The following RTN4RL1 variants were observed in gnomAD, a reference collection of about 807,000 sequenced individuals.
RTN4RL1 encodes reticulon 4 receptor like 1.
A neutral mutation model predicts 25.6 loss-of-function variants in RTN4RL1; 7 were observed. That is an observed-to-expected ratio of 0.27 (90% confidence interval 0.16 to 0.51). The LOEUF is 0.51. Ranked by LOEUF, RTN4RL1 falls within the 20% of genes least tolerant of loss-of-function variation. RTN4RL1 has a pLI of 0.97. For missense variants in RTN4RL1, 500 were observed against 615.6 expected, an observed-to-expected ratio of 0.81 and a Z score of 1.99; for synonymous variants, 297 against 288.2, an observed-to-expected ratio of 1.03 and a Z score of -0.31.
intron 1 of RTN4RL1, among the ~76,000 whole-genome samples, chr17:1,999,380 A>C (rs1277408333): frequency 6.6e-6 from 1 of 151,598 alleles, no homozygotes; most frequent in Non-Finnish European, 1.5e-5. Context: ...CGGGAGGAGG[A>C]GATTGCAGTG....
rs149857389 is a variant in RTN4RL1 at position 1,939,785 on chromosome 17, G to A, written c.14-1977C>T. Among the ~76,000 whole-genome samples, 172 of 152,296 alleles carry A rather than the reference G, an allele frequency of 1.1e-3. 3 individuals are homozygous for A. The highest frequency in any genetic ancestry group is 3.9e-3 in the South Asian group (19 of 4,830). ...TTCCAGGGTCCCAGCTGCCCCAGGC[G>A]GCCAGGCAGGCGCGCCGAGGTTGGG... On this transcript the variant is annotated intron_variant, in intron 1 of 1. Transcript: ENST00000331238.
At chr17:2,001,112 C>T (rs568518034) in intron 1 of RTN4RL1, among the ~76,000 whole-genome samples, 1 of 148,838 alleles carries the variant, frequency 6.7e-6, no homozygotes, top group Non-Finnish European at 1.5e-5. Flanking sequence ...GCATTGAACT[C>T]CTGGGTTCAA....
chr17:2,010,854 T>C (rs1051322320), intron 1 of RTN4RL1, among the ~76,000 whole-genome samples: 2 of 152,236 alleles, frequency 1.3e-5, no homozygotes, highest in Non-Finnish European at 2.9e-5. Flanking sequence ...CCCTAAGTGT[T>C]GGGATCACAG....
chr17:1,941,341 G>A (rs556982035), intron 1 of RTN4RL1, among the ~76,000 whole-genome samples: 373 of 152,320 alleles, frequency 2.4e-3, no homozygotes, highest in Middle Eastern at 6.8e-3. Flanking sequence ...GGCTTGGTAC[G>A]TGGCTCGTGG....
At chr17:2,004,400 C>T (rs1163446014) in intron 1 of RTN4RL1, among the ~76,000 whole-genome samples, 1 of 124,902 alleles carries the variant, frequency 8.0e-6, no homozygotes. Context: ...AAGCAAAAAA[C>T]AAAACAAAGA....
At chr17:2,002,699 G>A (rs1447671072) in intron 1 of RTN4RL1, among the ~76,000 whole-genome samples, 4 of 151,176 alleles carry the variant, frequency 2.6e-5, no homozygotes, top group Non-Finnish European at 4.4e-5. Context: ...CCCCACGCCC[G>A]TCTCTCTCTG....
At chr17:1,958,810 G>C (rs1324717477) in intron 1 of RTN4RL1, among the ~76,000 whole-genome samples, 4 of 152,236 alleles carry the variant, frequency 2.6e-5, no homozygotes, top group Admixed American at 2.0e-4. Context: ...CTGAAATCTT[G>C]CCTTTTCCCC....
intron 1 of RTN4RL1, among the ~76,000 whole-genome samples, chr17:1,961,818 T>C (rs532963981): frequency 6.6e-5 from 5 of 75,926 alleles, no homozygotes; most frequent in Non-Finnish European, 1.8e-4. Context: ...CGTGGTGGCA[T>C]GTGCCTGTAA....
intron 1 of RTN4RL1, among the ~76,000 whole-genome samples, chr17:2,024,347 C>G (rs571118294): frequency 6.6e-6 from 1 of 152,300 alleles, no homozygotes; most frequent in South Asian, 2.1e-4. Flanking sequence ...GCGATCAGAG[C>G]AGAACTGCAG....
chr17:1,950,714 G>T (rs1336985782), intron 1 of RTN4RL1, among the ~76,000 whole-genome samples: 1 of 151,712 alleles, frequency 6.6e-6, no homozygotes, highest in Non-Finnish European at 1.5e-5. Context: ...GGGTGTGGTG[G>T]CGCGCACCTG....
chr17:1,941,193 T>C (rs559674161), intron 1 of RTN4RL1, among the ~76,000 whole-genome samples: 23 of 152,268 alleles, frequency 1.5e-4, no homozygotes, highest in African/African-American at 5.3e-4. Flanking sequence ...CCGGAGAAGC[T>C]AATAGCGGGT....
chr17:1,952,402 T>C (rs930052760), intron 1 of RTN4RL1, among the ~76,000 whole-genome samples: 17 of 148,288 alleles, frequency 1.1e-4, no homozygotes, highest in African/African-American at 4.0e-4. Context: ...AGTAGTGCGA[T>C]CTCGGCTCAT....
intron 1 of RTN4RL1, among the ~76,000 whole-genome samples, chr17:1,992,884 T>G (rs1172186767): frequency 6.6e-6 from 1 of 152,180 alleles, no homozygotes; most frequent in Admixed American, 6.6e-5. Context: ...GACACATGAC[T>G]CTCTTATGAC....
At chr17:2,003,481 AGCG>A in intron 1 of RTN4RL1, 1 of 152,434 alleles carries the variant, frequency 6.6e-6, no homozygotes, top group Non-Finnish European at 1.5e-5. Flanking sequence ...GAACAGCAGC[AGCG>A]GCTCCGGGAG....
At chr17:1,995,653 G>A (rs923751239) in intron 1 of RTN4RL1, 1 of 152,160 alleles carries the variant, frequency 6.6e-6, no homozygotes, top group African/African-American at 2.4e-5. Context: ...AAATACCCCT[G>A]GATCATTATC....
At position 2,025,014 on chromosome 17, in the gene RTN4RL1, C is replaced by G; in HGVS notation, c.-149G>C. 1 of 768,072 alleles carries G rather than the reference C, an allele frequency of 1.3e-6. No homozygotes were observed. The highest frequency in any genetic ancestry group is 2.9e-5 in the Admixed American group (1 of 34,500). The allele number at this position is 768,072 out of a possible 1,614,324, so 47.6% of individuals were successfully genotyped here. A position where few individuals can be genotyped will look rare whatever the true frequency, so the allele number is the denominator to read the frequency against. On this transcript the variant is annotated 5_prime_UTR_variant, in exon 1 of 2. Coordinates refer to ENST00000331238, the MANE Select transcript of RTN4RL1 (RefSeq NM_178568.4). This position sits in a 1 kb window ranked among gnomAD's most constrained non-coding sequence, Gnocchi z 4.8. The stretch of plus-strand genomic sequence containing the variant: ...TCCGCTCGTGCCCGGTGGCCCGGCC[C>G]CGCAGGGGCATGGTGAGCTCCAGCC...
chr17:1,947,749 A>C (rs1437399543), intron 1 of RTN4RL1, among the ~76,000 whole-genome samples: 1 of 152,176 alleles, frequency 6.6e-6, no homozygotes, highest in African/African-American at 2.4e-5. Context: ...CTTGCTGTGA[A>C]GGTCTCGCAT....
At chr17:1,990,313 G>A (rs1451149958) in intron 1 of RTN4RL1, among the ~76,000 whole-genome samples, 5 of 152,036 alleles carry the variant, frequency 3.3e-5, no homozygotes, top group African/African-American at 1.2e-4. Flanking sequence ...GTTGCAGTGA[G>A]CCGAGATCGA....
chr17:2,018,728 G>A (rs567109546), intron 1 of RTN4RL1, among the ~76,000 whole-genome samples: 3 of 152,228 alleles, frequency 2.0e-5, no homozygotes, highest in Non-Finnish European at 4.4e-5. Flanking sequence ...AGCTAGCTAT[G>A]CCTCAGTTTC....
Sources: allele counts gnomAD v4.1 joint callset (sites outside exome capture counted in the v4.1 genomes callset), GRCh38; gene constraint gnomAD v4.1.1; non-coding constraint Gnocchi (gnomAD v3.1); transcripts MANE v1.5; gene names NCBI Gene and HGNC (gene_info 2026-07-23, HGNC 2026-07-21).